PPARA: variants seen among roughly 807,000 people sequenced by gnomAD.
PPARA encodes the protein peroxisome proliferator-activated receptor alpha.
A neutral mutation model predicts 42.2 loss-of-function variants in PPARA; 22 were observed. The ratio of observed to expected loss-of-function variants is 0.52; its 90% CI spans 0.37 to 0.74. PPARA has a LOEUF of 0.74. PPARA is among the 30% of genes least tolerant of loss of function. PPARA has a pLI of 0.00. For missense variants in PPARA, 465 were observed against 608.2 expected, an observed-to-expected ratio of 0.76 and a Z score of 2.48; for synonymous variants, 242 against 239.3, an observed-to-expected ratio of 1.01 and a Z score of -0.10.
intron 4 of PPARA, among the ~76,000 whole-genome samples, chr22:46,213,777 G>T (rs970211060): frequency 6.6e-6 from 1 of 152,090 alleles, no homozygotes; most frequent in African/African-American, 2.4e-5. Flanking sequence ...TTTTAGTAGA[G>T]ACGGAGTTTC....
intron 4 of PPARA, among the ~76,000 whole-genome samples, chr22:46,214,157 GCAAACA>G (rs759652737): frequency 4.6e-5 from 7 of 152,226 alleles, no homozygotes; most frequent in Non-Finnish European, 1.0e-4. Context: ...AAGAAAGGAA[GCAAACA>G]AAACGAGTTC....
At chr22:46,206,846 C>G (rs1933358978) in intron 4 of PPARA, among the ~76,000 whole-genome samples, 1 of 152,132 alleles carries the variant, frequency 6.6e-6, no homozygotes, top group Non-Finnish European at 1.5e-5. Flanking sequence ...GTGATATTAT[C>G]TATAATATGG....
Position 46,161,155 on chromosome 22 carries a change from A to G in PPARA, c.-127+9185A>G, listed in dbSNP as rs1444715690. On this transcript the variant is annotated intron_variant, in intron 2 of 8. Coordinates refer to ENST00000407236, the MANE Select transcript of PPARA (RefSeq NM_005036.6). This position sits in a 1 kb window ranked among gnomAD's most constrained non-coding sequence, Gnocchi z 4.8. ...AAACCACGGCAGCTTCCATGGACTCATAAAAAGAGCTCAAAACCTAGGAAG... is the reference window on the plus strand; with the variant it reads ...AAACCACGGCAGCTTCCATGGACTCGTAAAAAGAGCTCAAAACCTAGGAAG... 6.6e-6 allele frequency among the ~76,000 whole-genome samples: 1 copy of G among 152,236 alleles called. No homozygotes were observed. Among genetic ancestry groups the G allele is most frequent in the Admixed American group, 6.5e-5 (1 of 15,274 alleles).
chr22:46,228,673 CTG>C (rs1935646483), intron 7 of PPARA, among the ~76,000 whole-genome samples: 1 of 152,248 alleles, frequency 6.6e-6, no homozygotes, highest in South Asian at 2.1e-4. Context: ...TAATCAAACA[CTG>C]TAGGAACCCC....
chr22:46,221,635 T>A lies in PPARA; in HGVS notation c.711+1621T>A, dbSNP rs1333464948. On this transcript the variant is annotated intron_variant, in intron 7 of 8. Transcript: ENST00000407236. The surrounding 1 kb of genome is among the most constrained non-coding windows in gnomAD (Gnocchi z 5.9). ...TAACATGGTGAAACACCATCTCCAC[T>A]AAAAATACAAAAAATTAGCCGGGCG... 6.6e-6 allele frequency among the ~76,000 whole-genome samples: 1 copy of A among 151,614 alleles called. No individual in the cohort carries two copies. The highest frequency in any genetic ancestry group is 1.5e-5 in the Non-Finnish European group (1 of 67,932).
rs1484572654 is a variant in PPARA, at chr22:46,188,153, C to T, written c.-42-10189C>T. Among the ~76,000 whole-genome samples the T allele has an allele frequency of 6.6e-6, 1 of 152,218 alleles. No individual in the cohort carries two copies. The highest frequency in any genetic ancestry group is 2.4e-5 in the African/African-American group (1 of 41,464). ...CAGGTCAGACCAGTAGAAGAGCCAC[C>T]TGGCTGAGCTCAGCCCAATTTGCTG... On this transcript the variant is annotated intron_variant, in intron 3 of 8. Transcript: ENST00000407236. The surrounding 1 kb of genome is among the most constrained non-coding windows in gnomAD (Gnocchi z 5.0).
intron 5 of PPARA, among the ~76,000 whole-genome samples, chr22:46,215,795 G>A (rs1245477037): frequency 1.3e-5 from 2 of 152,070 alleles, no homozygotes; most frequent in Admixed American, 1.3e-4. Context: ...CTCAGTGATA[G>A]ATTAGCCTCT....
chr22:46,208,758 T>C (rs888493482), intron 4 of PPARA, among the ~76,000 whole-genome samples: 2 of 152,174 alleles, frequency 1.3e-5, no homozygotes, highest in Admixed American at 1.3e-4. Context: ...GCTATGAGTT[T>C]GACCTTTTTA....
At position 46,161,497 on chromosome 22, in the gene PPARA, A is replaced by G. The variant is rs1045134351; in HGVS notation, c.-127+9527A>G. ...GCTACTCGGGAGGCTGAGGCAGGAG[A>G]ATCACTTGAACCCGGGAGGCGGAGG... On this transcript the variant is annotated intron_variant, in intron 2 of 8. Transcript: ENST00000407236. This position sits in a 1 kb window ranked among gnomAD's most constrained non-coding sequence, Gnocchi z 4.8. 5.3e-5 allele frequency among the ~76,000 whole-genome samples: 8 copies of G among 152,108 alleles called. No individual in the cohort carries two copies. Among genetic ancestry groups the G allele is most frequent in the African/African-American group, 1.9e-4 (8 of 41,406 alleles).
chr22:46,183,259 C>T lies in PPARA; in HGVS notation c.-43+6423C>T, dbSNP rs1930218663. On this transcript the variant is annotated intron_variant, in intron 3 of 8. Coordinates refer to ENST00000407236, the MANE Select transcript of PPARA (RefSeq NM_005036.6). The surrounding 1 kb of genome is among the most constrained non-coding windows in gnomAD (Gnocchi z 5.5). ...ATAAGCAGCAAGAGTTCAGGTAATC[C>T]TCACATTGCAATTTGTCATTAGTTT... 6.6e-6 allele frequency among the ~76,000 whole-genome samples: 1 copy of T among 152,186 alleles called. No homozygotes were observed. Among genetic ancestry groups the T allele is most frequent in the Admixed American group, 6.5e-5 (1 of 15,276 alleles).
At chr22:46,154,951 C>T (rs538042493) in intron 2 of PPARA, 9 of 115,694 alleles carry the variant, frequency 7.8e-5, no homozygotes, top group Non-Finnish European at 1.5e-4. Flanking sequence ...TGGGACTAAG[C>T]CATGAACCAC....
At chr22:46,186,866 T>C (rs1158691508) in intron 3 of PPARA, among the ~76,000 whole-genome samples, 1 of 152,152 alleles carries the variant, frequency 6.6e-6, no homozygotes, top group African/African-American at 2.4e-5. Context: ...CTATGTTTTT[T>C]CCCTGTATAT....
chr22:46,177,393 G>A (rs1019446981), intron 3 of PPARA, among the ~76,000 whole-genome samples: 1 of 151,126 alleles, frequency 6.6e-6, no homozygotes, highest in Non-Finnish European at 1.5e-5. Flanking sequence ...GAATCCAGGA[G>A]GCAGAGGTTG....
chr22:46,235,302 G>A lies in PPARA; in HGVS notation c.1329G>A (p.Leu443=), dbSNP rs1310822485. The A allele has an allele frequency of 6.2e-7, 1 of 1,614,092 alleles. No individual in the cohort carries two copies. The highest frequency in any genetic ancestry group is 1.7e-5 in the Admixed American group (1 of 60,026). The change falls in exon 9 of 9, where the codon CTG becomes CTA. Residue 443 remains leucine, a synonymous_variant. Coordinates refer to ENST00000407236, the MANE Select transcript of PPARA (RefSeq NM_005036.6). This position sits in a 1 kb window ranked among gnomAD's most constrained non-coding sequence, Gnocchi z 7.0. ...AGCTGGTGACGGAGCATGCGCAGCT[G>A]GTGCAGATCATCAAGAAGACGGAGT... The part of the protein sequence containing the change: ...LRQLVTEHAQ[L]VQIIKKTESD...
rs1303521325 is a variant in PPARA, at chr22:46,175,466, C to A, written c.-126-1287C>A. Among the ~76,000 whole-genome samples, 3 of 152,118 alleles carry A rather than the reference C, an allele frequency of 2.0e-5. No homozygotes were observed. The South Asian group carries it at 6.2e-4, about 31-fold the overall frequency. On this transcript the variant is annotated intron_variant, in intron 2 of 8. Coordinates refer to ENST00000407236, the MANE Select transcript of PPARA (RefSeq NM_005036.6). ...CGGTGGCTCACGCCTGTAATCCCAG[C>A]ACTTTGGGAGGCCGAGGCAGGCGGA...
At position 46,222,799 on chromosome 22, in the gene PPARA, A is replaced by G. The variant is rs1472258101; in HGVS notation, c.711+2785A>G. ...TTTGGGAGGCTGAGGCGGGAGGATC[A>G]CTTGAGGCAATCCAAGAGTTTGAGA... is the stretch of plus-strand genomic sequence containing the variant. On this transcript the variant is annotated intron_variant, in intron 7 of 8. Coordinates refer to ENST00000407236, the MANE Select transcript of PPARA (RefSeq NM_005036.6). This position sits in a 1 kb window ranked among gnomAD's most constrained non-coding sequence, Gnocchi z 5.9. Among the ~76,000 whole-genome samples, 1 of 152,154 alleles carries G rather than the reference A, an allele frequency of 6.6e-6. No individual in the cohort carries two copies. The highest frequency in any genetic ancestry group is 2.4e-5 in the African/African-American group (1 of 41,420).
chr22:46,202,210 C>A (rs545284349), intron 4 of PPARA, among the ~76,000 whole-genome samples: 1 of 152,280 alleles, frequency 6.6e-6, no homozygotes, highest in South Asian at 2.1e-4. Flanking sequence ...TCTCTCCTGA[C>A]CCCTGGTCCT....
chr22:46,207,277 A>ATTT (rs76116601), intron 4 of PPARA, among the ~76,000 whole-genome samples: 6 of 119,582 alleles, frequency 5.0e-5, no homozygotes, highest in East Asian at 2.2e-4. Context: ...TACATTGGCA[A>ATTT]TTTTTTTTTT....
At chr22:46,169,550 A>G (rs1927664317) in intron 2 of PPARA, among the ~76,000 whole-genome samples, 1 of 151,914 alleles carries the variant, frequency 6.6e-6, no homozygotes, top group Admixed American at 6.6e-5. Context: ...GCAAGATGTT[A>G]ATAACAGGGA....
Sources: allele counts gnomAD v4.1 joint callset (sites outside exome capture counted in the v4.1 genomes callset), GRCh38; gene constraint gnomAD v4.1.1; non-coding constraint Gnocchi (gnomAD v3.1); transcripts MANE v1.5; gene names NCBI Gene and HGNC (gene_info 2026-07-23, HGNC 2026-07-21).